The following DBT variants were observed in gnomAD, a reference collection of about 807,000 sequenced individuals.
The protein encoded by DBT is lipoamide acyltransferase component of branched-chain alpha-keto acid dehydrogenase complex, mitochondrial.
In DBT, 40 loss-of-function variants were observed where a neutral mutation model predicts 51.3. The ratio of observed to expected loss-of-function variants is 0.78; its 90% CI spans 0.61 to 1.02. The LOEUF (loss-of-function observed/expected upper bound fraction) is 1.02. DBT is among the 50% of genes least tolerant of loss of function. The pLI is 0.00. For missense variants in DBT, 510 were observed against 580.2 expected (o/e 0.88, Z 1.24); for synonymous variants, 181 against 190.4 (o/e 0.95, Z 0.41).
Position 100,206,310 on chromosome 1 carries a change from TAAA to T in DBT, c.1210-12_1210-10del. On this transcript the variant is annotated splice_polypyrimidine_tract_variant and intron_variant, in intron 9 of 10. Coordinates refer to ENST00000370132, the MANE Select transcript of DBT (RefSeq NM_001918.5). ...GCAAAGGTACCACCAATCTATTTTTTAAAAAAAAAAAAAGGAGAGTATTAAAAG... is the reference window on the plus strand; with the variant it reads ...GCAAAGGTACCACCAATCTATTTTTTAAAAAAAAAAGGAGAGTATTAAAAG... 2.1e-6 allele frequency: 3 copies of T among 1,432,046 alleles called. No individual in the cohort carries two copies. Among genetic ancestry groups the T allele is most frequent in the South Asian group, 1.2e-5 (1 of 82,452 alleles). 88.7% of individuals were successfully genotyped at this position (1,432,046 alleles called of 1,614,324 possible).
chr1:100,214,779 G>A (rs751038174), intron 7 of DBT, 38 bp downstream of exon 7: 19 of 1,597,562 alleles, frequency 1.2e-5, no homozygotes, highest in Middle Eastern at 3.3e-4. Flanking sequence ...ACAAATAAAT[G>A]TCCTACTCAA....
chr1:100,217,510 A>G (rs901008583), intron 5 of DBT, among the ~76,000 whole-genome samples: 1 of 152,198 alleles, frequency 6.6e-6, no homozygotes, highest in African/African-American at 2.4e-5. Flanking sequence ...AATGATTCCT[A>G]GATTATTTTC....
At chr1:100,202,266 G>T (rs181811198) in intron 10 of DBT, among the ~76,000 whole-genome samples, 1 of 152,150 alleles carries the variant, frequency 6.6e-6, no homozygotes, top group Non-Finnish European at 1.5e-5. Context: ...TGCAATCCTA[G>T]TCTCTGATAA....
In DBT at chr1:100,202,990, A is replaced by G. The variant is rs570705848; in HGVS notation, c.1281+3240T>C. Among the ~76,000 whole-genome samples, 30 of 152,326 alleles carry G rather than the reference A, an allele frequency of 2.0e-4. No homozygotes were observed. The East Asian group carries it at 5.8e-3, about 29-fold the overall frequency. ...CACAGAAATAAATGCCAACAGAAGA[A>G]AGCAGGAAAGATCTAAAATCAACAC... On this transcript the variant is annotated intron_variant, in intron 10 of 10. Transcript: ENST00000370132.
chr1:100,213,498 C>T lies in DBT; in HGVS notation c.939+1319G>A, dbSNP rs908060581. On this transcript the variant is annotated intron_variant, in intron 7 of 10. Coordinates refer to ENST00000370132, the MANE Select transcript of DBT (RefSeq NM_001918.5). Reference sequence around the variant, plus strand: ...AGCTGGACCGTCATCCGCTATCCTACCAACTCTATCGTGGTCGTGGGAGGC... The same window carrying T: ...AGCTGGACCGTCATCCGCTATCCTATCAACTCTATCGTGGTCGTGGGAGGC... 29 of 1,545,384 alleles carry T rather than the reference C, an allele frequency of 1.9e-5. No homozygotes were observed. In the African/African-American group the frequency reaches 3.4e-4, roughly 18 times the overall value.
chr1:100,203,125 C>A (rs2100773655), intron 10 of DBT, among the ~76,000 whole-genome samples: 1 of 151,878 alleles, frequency 6.6e-6, no homozygotes, highest in South Asian at 2.1e-4. Context: ...GACAGAGACA[C>A]AAAAAAACCC....
rs1553228653 is a variant in DBT at position 100,196,423 on chromosome 1, CTAGA to C, written c.1282-5_1282-2del. 1.3e-6 allele frequency: 1 copy of C among 763,804 alleles called. No individual in the cohort carries two copies. The highest frequency in any genetic ancestry group is 1.9e-6 in the Non-Finnish European group (1 of 534,698). The allele number at this position is 763,804 out of a possible 1,614,324, so 47.3% of individuals were successfully genotyped here. On this transcript the variant is annotated splice_acceptor_variant and splice_polypyrimidine_tract_variant and intron_variant, in intron 10 of 10. Transcript: ENST00000370132. LOFTEE classifies it high-confidence loss of function. ...CTTTCTGGTTAAATCGGGGAATGGC[CTAGA>C]AATGAAAAAAAAAAAAAAAAAAAAA...
chr1:100,223,209 CA>C (rs1188106684), intron 4 of DBT, among the ~76,000 whole-genome samples: 1 of 151,706 alleles, frequency 6.6e-6, no homozygotes, highest in African/African-American at 2.4e-5. Flanking sequence ...TGATTTCTCT[CA>C]AAAAAAAGTT....
At chr1:100,212,395 A>C (rs904631273) in intron 7 of DBT, among the ~76,000 whole-genome samples, 1 of 152,060 alleles carries the variant, frequency 6.6e-6, no homozygotes, top group Non-Finnish European at 1.5e-5. Context: ...AAAATTAGCC[A>C]GGTGTGGTGG....
intron 5 of DBT, among the ~76,000 whole-genome samples, chr1:100,218,073 G>A (rs1662603593): frequency 6.6e-6 from 1 of 152,188 alleles, no homozygotes; most frequent in South Asian, 2.1e-4. Flanking sequence ...TTCAGTCAAT[G>A]ACTGGCAGAG....
chr1:100,197,230 A>G (rs1661169545), intron 10 of DBT, among the ~76,000 whole-genome samples: 1 of 152,220 alleles, frequency 6.6e-6, no homozygotes, highest in South Asian at 2.1e-4. Flanking sequence ...TGGCTGGGAT[A>G]CAACAGTCAC....
At chr1:100,241,509 C>T (rs1297886843) in intron 1 of DBT, among the ~76,000 whole-genome samples, 5 of 151,726 alleles carry the variant, frequency 3.3e-5, no homozygotes, top group Admixed American at 3.3e-4. Context: ...GGTCCTCCTG[C>T]CTCAGCCTTC....
rs570536439 is a variant in DBT at position 100,232,006 on chromosome 1, T to C, written c.252-1092A>G. ...CACTACAGATGGTCTCTGACTTTTA[T>C]ATCTTTTCAACTTTATGATGGTGTA... On this transcript the variant is annotated intron_variant, in intron 3 of 10. Coordinates refer to ENST00000370132, the MANE Select transcript of DBT (RefSeq NM_001918.5). Among the ~76,000 whole-genome samples, 64 of 152,368 alleles carry C rather than the reference T, an allele frequency of 4.2e-4. No individual in the cohort carries two copies. The South Asian group carries it at 0.012, about 30-fold the overall frequency.
intron 10 of DBT, among the ~76,000 whole-genome samples, chr1:100,198,149 C>T (rs1160702576): frequency 6.6e-6 from 1 of 152,082 alleles, no homozygotes; most frequent in Non-Finnish European, 1.5e-5. Context: ...CAAAACATGG[C>T]ATACATTTAT....
At chr1:100,245,755 C>A (rs927662157) in intron 1 of DBT, among the ~76,000 whole-genome samples, 3 of 151,110 alleles carry the variant, frequency 2.0e-5, no homozygotes, top group Admixed American at 2.0e-4. Flanking sequence ...GAGTTCAAGA[C>A]CATACTGGGC....
At chr1:100,247,833 T>C (rs1664636295) in intron 1 of DBT, among the ~76,000 whole-genome samples, 1 of 149,090 alleles carries the variant, frequency 6.7e-6, no homozygotes, top group Non-Finnish European at 1.5e-5. Flanking sequence ...CTGGGCATGG[T>C]GGCTCATCCT....
intron 5 of DBT, among the ~76,000 whole-genome samples, chr1:100,218,001 G>A (rs187301753): frequency 2.4e-4 from 37 of 152,264 alleles, no homozygotes; most frequent in Admixed American, 2.2e-3. Flanking sequence ...AGGGTTAAAT[G>A]AGAATACGTA....
chr1:100,242,569 A>G (rs1211896970), intron 1 of DBT, among the ~76,000 whole-genome samples: 1 of 152,206 alleles, frequency 6.6e-6, no homozygotes, highest in African/African-American at 2.4e-5. Context: ...ATTAATATTC[A>G]GGAAATATAA....
chr1:100,249,263 G>A (rs1422036957), intron 1 of DBT: 2 of 232,058 alleles, frequency 8.6e-6, no homozygotes, highest in Non-Finnish European at 1.6e-5. Flanking sequence ...TATGTGGTGC[G>A]GACATAGAAG....
Sources: gnomAD v4.1 joint callset for allele counts (sites outside exome capture counted in the v4.1 genomes callset) on GRCh38, gnomAD v4.1.1 for gene constraint, MANE v1.5 for transcripts, NCBI Gene and HGNC (gene_info 2026-07-23, HGNC 2026-07-21) for gene names.